The following AGFG1 variants were observed in gnomAD, a reference collection of about 807,000 sequenced individuals.
The protein encoded by AGFG1 is ArfGAP with FG repeats 1.
Under a neutral mutation model 60.6 loss-of-function variants are expected in AGFG1, and 10 were observed. The observed-to-expected ratio is 0.16, with a 90% confidence interval of 0.10 to 0.28. The LOEUF is 0.28. Among genes scored for constraint, AGFG1 ranks in the 10% least tolerant of loss-of-function variants. The pLI, the probability that AGFG1 is intolerant of heterozygous loss-of-function variation, is 1.00. For synonymous variants in AGFG1, 247 were observed against 242.9 expected (o/e 1.02, Z -0.16); for missense variants, 537 against 676.5 (o/e 0.79, Z 2.29).
rs1003922595 is a variant in AGFG1 at position 227,553,403 on chromosome 2, G to A, written c.1538-301G>A. Among the ~76,000 whole-genome samples the A allele has an allele frequency of 6.6e-5, 10 of 150,812 alleles. 1 individual carries two copies. The South Asian group carries it at 2.1e-3, about 32-fold the overall frequency. The stretch of plus-strand genomic sequence containing the variant: ...TCCAGCTACTCGGGAAACTGAGGTG[G>A]AAGGATCACCTGAGCCCTGGAGGTT... On this transcript the variant is annotated intron_variant, in intron 11 of 12. Transcript: ENST00000310078.
At chr2:227,475,176 G>T (rs1023677807) in intron 1 of AGFG1, among the ~76,000 whole-genome samples, 18 of 152,204 alleles carry the variant, frequency 1.2e-4, no homozygotes, top group African/African-American at 4.3e-4. Context: ...TTTATTGATT[G>T]ATTTTAAAGT....
intron 2 of AGFG1, among the ~76,000 whole-genome samples, chr2:227,512,669 T>G (rs1329541037): frequency 6.6e-6 from 1 of 152,222 alleles, no homozygotes; most frequent in East Asian, 1.9e-4. Context: ...ATTTACTGTT[T>G]GTTAATATTT....
At chr2:227,539,457 A>AAAAAAAACC (rs139764867) in intron 10 of AGFG1, among the ~76,000 whole-genome samples, 2 of 129,944 alleles carry the variant, frequency 1.5e-5, no homozygotes, top group Non-Finnish European at 3.2e-5. Context: ...AAAACAAAAA[A>AAAAAAAACC]CACATGTTAA....
In AGFG1 at chr2:227,538,368, A is replaced by G. The variant is rs140403861; in HGVS notation, c.1378+1375A>G. Among the ~76,000 whole-genome samples, 40 of 152,338 alleles carry G rather than the reference A, an allele frequency of 2.6e-4. No homozygotes were observed. The East Asian group carries it at 6.9e-3, about 26-fold the overall frequency. On this transcript the variant is annotated intron_variant, in intron 10 of 12. Coordinates refer to ENST00000310078, the MANE Select transcript of AGFG1 (RefSeq NM_004504.5). ...GTTACTTGCAGGTTGACCATAAGAA[A>G]GCCTTTTGAATTTTGTTCTTTTAAT...
intron 10 of AGFG1, 127 bp downstream of exon 10, chr2:227,537,120 T>C: frequency 1.4e-6 from 1 of 722,012 alleles, no homozygotes; most frequent in South Asian, 2.3e-5. Flanking sequence ...ATAGAAGAGT[T>C]TGTCCATAAA....
chr2:227,552,599 G>C lies in AGFG1; in HGVS notation c.1537+482G>C, dbSNP rs571507188. On this transcript the variant is annotated intron_variant, in intron 11 of 12. Coordinates refer to ENST00000310078, the MANE Select transcript of AGFG1 (RefSeq NM_004504.5). The stretch of plus-strand genomic sequence containing the variant: ...AAGAAGATTAACTCGACATTTTTAC[G>C]TATTTCATTTGCTTCAGTTTGAAGT... Among the ~76,000 whole-genome samples the C allele has an allele frequency of 4.6e-5, 7 of 151,232 alleles. No individual in the cohort carries two copies. In the South Asian group the frequency reaches 1.5e-3, roughly 32 times the overall value.
intron 2 of AGFG1, chr2:227,510,793 C>T (rs1691475470): frequency 2.6e-5 from 4 of 152,078 alleles, no homozygotes; most frequent in Admixed American, 2.6e-4. Context: ...TGTGTGCTGC[C>T]CTTTACTAAG....
In AGFG1 at chr2:227,538,863, C is replaced by G. The variant is rs142664882; in HGVS notation, c.1378+1870C>G. ...TATGTGCAGATGATATAAGATAATTCTAGTATTAAGTAACAAAAATTTATT... is the reference window on the plus strand; with the variant it reads ...TATGTGCAGATGATATAAGATAATTGTAGTATTAAGTAACAAAAATTTATT... On this transcript the variant is annotated intron_variant, in intron 10 of 12. Coordinates refer to ENST00000310078, the MANE Select transcript of AGFG1 (RefSeq NM_004504.5). Among the ~76,000 whole-genome samples, 1,424 of 152,082 alleles carry G rather than the reference C, an allele frequency of 9.4e-3. 33 individuals are homozygous for G. The highest frequency in any genetic ancestry group is 0.033 in the African/African-American group (1,369 of 41,492).
chr2:227,554,158 T>C (rs1035632458), intron 12 of AGFG1, among the ~76,000 whole-genome samples: 2 of 152,184 alleles, frequency 1.3e-5, no homozygotes, highest in Non-Finnish European at 2.9e-5. Flanking sequence ...AAGTTTTGTT[T>C]GAATCACACG....
chr2:227,548,916 G>A (rs1380464601), intron 10 of AGFG1, among the ~76,000 whole-genome samples: 5 of 152,040 alleles, frequency 3.3e-5, no homozygotes, highest in African/African-American at 4.8e-5. Flanking sequence ...CATCCTGGGC[G>A]ACAGAGCGAG....
In AGFG1 at chr2:227,531,173, C is replaced by A. The variant is rs553323896; in HGVS notation, c.777C>A (p.Pro259=). 6.2e-7 allele frequency: 1 copy of A among 1,613,660 alleles called. No individual in the cohort carries two copies. The highest frequency in any genetic ancestry group is 1.7e-5 in the Admixed American group (1 of 59,948). ...SSGSSNFGGF[P]TASHSPFQPQ... ...GTTCGAGTAATTTTGGAGGTTTCCC[C>A]ACAGCAAGTCACTCTCCTTTTCAGC... is the stretch of plus-strand genomic sequence containing the variant. Residue 259 remains proline (P), a synonymous_variant, in exon 6 of 13, where the codon CCC becomes CCA. Transcript: ENST00000310078.
At position 227,534,799 on chromosome 2, in the gene AGFG1, G is replaced by A. The variant is rs765312390; in HGVS notation, c.1025-46G>A. The A allele has an allele frequency of 6.3e-5, 100 of 1,599,120 alleles. 1 individual carries two copies. The highest frequency in any genetic ancestry group is 1.1e-4 in the African/African-American group (8 of 74,450). Reference sequence around the variant, plus strand: ...GGCAAATGTGGTTGATAAGTTGAAAGTGTAACTTTAAATTTTTGGTGTAAC... The same window carrying A: ...GGCAAATGTGGTTGATAAGTTGAAAATGTAACTTTAAATTTTTGGTGTAAC... On this transcript the variant is annotated intron_variant, in intron 7 of 12. Coordinates refer to ENST00000310078, the MANE Select transcript of AGFG1 (RefSeq NM_004504.5).
intron 3 of AGFG1, among the ~76,000 whole-genome samples, chr2:227,520,532 T>C (rs1691794323): frequency 6.6e-6 from 1 of 152,224 alleles, no homozygotes; most frequent in Non-Finnish European, 1.5e-5. Context: ...TATTTTTTCT[T>C]TTGACCTAAG....
chr2:227,478,917 A>C (rs1298762228), intron 1 of AGFG1, among the ~76,000 whole-genome samples: 1 of 152,226 alleles, frequency 6.6e-6, no homozygotes, highest in Non-Finnish European at 1.5e-5. Flanking sequence ...CTTAGTTTAC[A>C]TGGAAATAAT....
intron 2 of AGFG1, among the ~76,000 whole-genome samples, chr2:227,492,682 CAT>C (rs1381059603): frequency 6.6e-6 from 1 of 151,882 alleles, no homozygotes; most frequent in African/African-American, 2.4e-5. Context: ...TTAAATATTT[CAT>C]ATTAAATTAT....
Position 227,524,865 on chromosome 2 carries a change from C to T in AGFG1, c.644C>T (p.Ser215Leu). The T allele has an allele frequency of 3.7e-6, 6 of 1,614,132 alleles. No homozygotes were observed. Among genetic ancestry groups the T allele is most frequent in the Non-Finnish European group, 4.2e-6 (5 of 1,179,992 alleles). The change falls in exon 5 of 13, where the codon TCA (serine) becomes TTA (leucine). Residue 215 changes from serine to leucine, a missense_variant. By Grantham distance (145) the Ser-to-Leu change is moderately radical. Transcript: ENST00000310078. Reference sequence around the variant, plus strand: ...ATCTTTGCTGCTCCAGCTCCTCAGTCAACAGCTACAGCCAATTTTGCTAAC... The same window carrying T: ...ATCTTTGCTGCTCCAGCTCCTCAGTTAACAGCTACAGCCAATTTTGCTAAC... Reference protein sequence around the residue: ...SDIFAAPAPQSTATANFANFA... With the variant: ...SDIFAAPAPQLTATANFANFA...
Position 227,489,655 on chromosome 2 carries a change from C to T in AGFG1, c.168-1892C>T, listed in dbSNP as rs535141896. Reference sequence around the variant, plus strand: ...AAGCAAAACAAAACAACAACCAAACCCAAGTTAACTTTTCCCTACTTTGAA... The same window carrying T: ...AAGCAAAACAAAACAACAACCAAACTCAAGTTAACTTTTCCCTACTTTGAA... On this transcript the variant is annotated intron_variant, in intron 1 of 12. Transcript: ENST00000310078. Among the ~76,000 whole-genome samples, 24 of 152,042 alleles carry T rather than the reference C, an allele frequency of 1.6e-4. No homozygotes were observed. In the South Asian group the frequency reaches 1.7e-3, roughly 11 times the overall value.
chr2:227,477,892 G>A (rs1690332822), intron 1 of AGFG1, among the ~76,000 whole-genome samples: 1 of 152,148 alleles, frequency 6.6e-6, no homozygotes, highest in African/African-American at 2.4e-5. Context: ...TTACAAGCAT[G>A]AGCCACCATG....
chr2:227,475,149 T>C (rs756615145), intron 1 of AGFG1, among the ~76,000 whole-genome samples: 4 of 152,184 alleles, frequency 2.6e-5, no homozygotes, highest in Non-Finnish European at 4.4e-5. Flanking sequence ...ATCTAATTGG[T>C]TTAAAAATAT....
Sources: gnomAD v4.1 joint callset for allele counts (sites outside exome capture counted in the v4.1 genomes callset) on GRCh38, gnomAD v4.1.1 for gene constraint, MANE v1.5 for transcripts, NCBI Gene and HGNC (gene_info 2026-07-23, HGNC 2026-07-21) for gene names.